The following TMEM202 variants were observed in gnomAD, a reference collection of about 807,000 sequenced individuals.
TMEM202 encodes transmembrane protein 202.
A neutral mutation model predicts 26.1 loss-of-function variants in TMEM202; 25 were observed. That is an observed-to-expected ratio of 0.96 (90% CI 0.70 to 1.34). The LOEUF is 1.34. Ranked by LOEUF, TMEM202 falls within the 40% of genes most tolerant of loss-of-function variation. The pLI, the probability that TMEM202 is intolerant of heterozygous loss-of-function variation, is 0.00. For synonymous variants in TMEM202, 122 were observed against 119.0 expected (o/e 1.02, Z -0.16); for missense variants, 301 against 327.7 (o/e 0.92, Z 0.63).
At chr15:72,401,824 C>A (rs534493063) in intron 2 of TMEM202, among the ~76,000 whole-genome samples, 1 of 152,130 alleles carries the variant, frequency 6.6e-6, no homozygotes, top group Non-Finnish European at 1.5e-5. Context: ...GTTATTATAA[C>A]TAGCTCTAAT....
chr15:72,398,534 T>C, intron 1 of TMEM202, 119 bp from the exon 2 acceptor site: 1 of 1,411,326 alleles, frequency 7.1e-7, no homozygotes, highest in Non-Finnish European at 9.5e-7. Context: ...TTTTTAGGAG[T>C]AGGGAAAAAT....
intron 1 of TMEM202, 53 bp downstream of exon 1, chr15:72,398,460 G>A: frequency 6.6e-7 from 1 of 1,522,656 alleles, no homozygotes; most frequent in South Asian, 1.2e-5. Context: ...CTTACTTAAA[G>A]GCAGGGCTAC....
In TMEM202 at chr15:72,398,723, A is replaced by G. The variant is rs573691319; in HGVS notation, c.152A>G (p.Gln51Arg). 1.9e-6 allele frequency: 3 copies of G among 1,614,188 alleles called. No individual in the cohort carries two copies. The highest frequency in any genetic ancestry group is 2.5e-6 in the Non-Finnish European group (3 of 1,180,030). Reference protein sequence around the residue: ...SCQRQQQLMDQAHIYIRTLCG... With the variant: ...SCQRQQQLMDRAHIYIRTLCG... ...CAAAGGCAGCAGCAGCTTATGGATC[A>G]GGCACACATCTACATCCGAACGCTC... Residue 51 changes from glutamine (Q) to arginine (R), a missense_variant, in exon 2 of 5, where the codon CAG becomes CGG. Gln to Arg is a conservative substitution (Grantham distance 43, BLOSUM62 1). Coordinates refer to ENST00000341689, the MANE Select transcript of TMEM202 (RefSeq NM_001080462.3).
intron 1 of TMEM202, 52 bp from the exon 2 acceptor site, chr15:72,398,601 G>A: frequency 3.1e-6 from 5 of 1,599,770 alleles, no homozygotes; most frequent in Non-Finnish European, 4.3e-6. Flanking sequence ...GGGTGACCCT[G>A]GGGATCAGGG....
Position 72,398,308 on chromosome 15 carries a change from T to G in TMEM202, c.-19T>G. The G allele has an allele frequency of 6.2e-7, 1 of 1,606,650 alleles. No individual in the cohort carries two copies. Among genetic ancestry groups the G allele is most frequent in the South Asian group, 1.1e-5 (1 of 89,530 alleles). ...ATGCAGAGACAAATTCCGTGGCAGTTAGAGAACTAACTGCCAAGATGGAGC... is the reference window on the plus strand; with the variant it reads ...ATGCAGAGACAAATTCCGTGGCAGTGAGAGAACTAACTGCCAAGATGGAGC... On this transcript the variant is annotated 5_prime_UTR_variant, in exon 1 of 5. Coordinates refer to ENST00000341689, the MANE Select transcript of TMEM202 (RefSeq NM_001080462.3).
In TMEM202 at chr15:72,398,778, A is replaced by G. The variant is rs192687764; in HGVS notation, c.207A>G (p.Leu69=). The G allele has an allele frequency of 1.9e-6, 3 of 1,614,138 alleles. No homozygotes were observed. Among genetic ancestry groups the G allele is most frequent in the Admixed American group, 3.3e-5 (2 of 60,008 alleles). The change falls in exon 2 of 5, where the codon CTA becomes CTG. Residue 69 remains leucine (L), a synonymous_variant. Coordinates refer to ENST00000341689, the MANE Select transcript of TMEM202 (RefSeq NM_001080462.3). ...LCGSLCSFSL[L]MLIAMSPLNW... Reference sequence around the variant, plus strand: ...GCAGCCTCTGTAGTTTTAGCCTCCTAATGCTGATCGCCATGTCCCCACTGA... The same window carrying G: ...GCAGCCTCTGTAGTTTTAGCCTCCTGATGCTGATCGCCATGTCCCCACTGA...
intron 2 of TMEM202, among the ~76,000 whole-genome samples, chr15:72,403,361 T>A (rs2063557339): frequency 6.6e-6 from 1 of 152,192 alleles, no homozygotes; most frequent in South Asian, 2.1e-4. Context: ...AAATTGAAAG[T>A]GACATCCTTT....
intron 2 of TMEM202, among the ~76,000 whole-genome samples, chr15:72,402,269 G>A (rs74246995): frequency 0.014 from 2,122 of 152,202 alleles, 41 homozygotes; most frequent in East Asian, 0.077. Context: ...CCTGGCCTCC[G>A]AATACATTAT....
intron 2 of TMEM202, among the ~76,000 whole-genome samples, chr15:72,405,183 TG>T (rs1439665253): frequency 6.6e-6 from 1 of 152,184 alleles, no homozygotes; most frequent in Non-Finnish European, 1.5e-5. Flanking sequence ...ACTCAGAAGC[TG>T]GACTTGGATT....
At position 72,408,055 on chromosome 15, in the gene TMEM202, T is replaced by A; in HGVS notation, c.*162T>A. 1 of 601,258 alleles carries A rather than the reference T, an allele frequency of 1.7e-6. No homozygotes were observed. Among genetic ancestry groups the A allele is most frequent in the Non-Finnish European group, 2.9e-6 (1 of 341,246 alleles). The allele number at this position is 601,258 out of a possible 1,614,324, so 37.2% of individuals were successfully genotyped here. On this transcript the variant is annotated 3_prime_UTR_variant, in exon 5 of 5. Transcript: ENST00000341689. ...TTTTGCGTGCATTGGATCCAAAATA[T>A]ATATGATAGTCATAAAGTAAATAAC... is the stretch of plus-strand genomic sequence containing the variant.
At chr15:72,405,355 C>A (rs2063565966) in intron 2 of TMEM202, among the ~76,000 whole-genome samples, 1 of 152,140 alleles carries the variant, frequency 6.6e-6, no homozygotes, top group Non-Finnish European at 1.5e-5. Context: ...GCTATAGCTA[C>A]TTGTAATTAT....
chr15:72,403,807 T>C (rs1350291349), intron 2 of TMEM202, among the ~76,000 whole-genome samples: 3 of 152,222 alleles, frequency 2.0e-5, no homozygotes, highest in Non-Finnish European at 4.4e-5. Flanking sequence ...TATAATTTGT[T>C]GTATATGATT....
intron 3 of TMEM202, 99 bp from the exon 4 acceptor site, chr15:72,406,987 C>T (rs368913837): frequency 6.0e-6 from 9 of 1,493,578 alleles, no homozygotes; most frequent in Non-Finnish European, 8.1e-6. Flanking sequence ...TTTTGATCCT[C>T]GCTATACATA....
intron 2 of TMEM202, 140 bp downstream of exon 2, chr15:72,399,048 A>G: frequency 2.0e-6 from 2 of 983,250 alleles, no homozygotes; most frequent in Non-Finnish European, 3.0e-6. Context: ...TTTCTTTGGT[A>G]TCCTCAGTGT....
At chr15:72,407,605 C>A in intron 4 of TMEM202, 86 bp from the exon 5 acceptor site, 1 of 1,243,576 alleles carries the variant, frequency 8.0e-7, no homozygotes, top group Non-Finnish European at 1.2e-6. Context: ...GCCTCTTGAA[C>A]TGGTTATTAA....
At chr15:72,398,623 G>C (rs187493350) in intron 1 of TMEM202, 30 bp from the exon 2 acceptor site, 1 of 1,609,916 alleles carries the variant, frequency 6.2e-7, no homozygotes, top group South Asian at 1.1e-5. Flanking sequence ...TTATTCTTTC[G>C]GGTAGGCAAT....
In TMEM202 at chr15:72,406,766, T is replaced by C. The variant is rs757340229; in HGVS notation, c.487+15T>C. On this transcript the variant is annotated intron_variant, in intron 3 of 4. Coordinates refer to ENST00000341689, the MANE Select transcript of TMEM202 (RefSeq NM_001080462.3). ...CTTCATCTCAGGTACAGACCTAGAC[T>C]GGCAGGGTATTTTACCATGGTAAAA... 14 of 1,612,032 alleles carry C rather than the reference T, an allele frequency of 8.7e-6. No homozygotes were observed. Among genetic ancestry groups the C allele is most frequent in the Non-Finnish European group, 1.2e-5 (14 of 1,179,306 alleles).
Position 72,398,395 on chromosome 15 carries a change from G to A in TMEM202, c.69G>A (p.Arg23=). The change falls in exon 1 of 5, where the codon CGG becomes CGA. Residue 23 remains arginine, a synonymous_variant. Coordinates refer to ENST00000341689, the MANE Select transcript of TMEM202 (RefSeq NM_001080462.3). ...AGGTTCCCAAAATAAAGGGGAACCG[G>A]AAATACCAAAGGGTGAGGAGGTATC... is the stretch of plus-strand genomic sequence containing the variant. The part of the protein sequence containing the change: ...SPEVPKIKGN[R]KYQRPTVPAK... 2 of 1,611,712 alleles carry A rather than the reference G, an allele frequency of 1.2e-6. No individual in the cohort carries two copies. The highest frequency in any genetic ancestry group is 1.7e-6 in the Non-Finnish European group (2 of 1,179,002).
At chr15:72,399,457 A>C (rs1013443411) in intron 2 of TMEM202, among the ~76,000 whole-genome samples, 1 of 152,218 alleles carries the variant, frequency 6.6e-6, no homozygotes, top group African/African-American at 2.4e-5. Context: ...TAACTCATTT[A>C]CAAGGTGTTA....
Sources: allele counts gnomAD v4.1 joint callset (sites outside exome capture counted in the v4.1 genomes callset), GRCh38; gene constraint gnomAD v4.1.1; transcripts MANE v1.5; gene names NCBI Gene and HGNC (gene_info 2026-07-23, HGNC 2026-07-21).